The following EYA4 variants were observed in gnomAD, a reference collection of about 807,000 sequenced individuals.
EYA4 encodes the protein EYA transcriptional coactivator and phosphatase 4.
A neutral mutation model predicts 87.9 loss-of-function variants in EYA4; 31 were observed. That is an observed-to-expected ratio of 0.35 (90% CI 0.27 to 0.48). The LOEUF (loss-of-function observed/expected upper bound fraction) is 0.48, where lower values mean the gene tolerates loss of function less well. Among genes scored for constraint, EYA4 ranks in the 20% least tolerant of loss-of-function variants. The pLI is 0.99. For synonymous variants in EYA4, 263 were observed against 270.6 expected (o/e 0.97, Z 0.28); for missense variants, 678 against 761.4 (o/e 0.89, Z 1.29).
chr6:133,436,483 C>T (rs1249631970), intron 3 of EYA4, among the ~76,000 whole-genome samples: 1 of 152,134 alleles, frequency 6.6e-6, no homozygotes, highest in East Asian at 1.9e-4. Flanking sequence ...AAATATACTC[C>T]ACTATTCTAG....
chr6:133,318,165 A>G (rs982780995), intron 2 of EYA4, among the ~76,000 whole-genome samples: 1 of 152,066 alleles, frequency 6.6e-6, no homozygotes, highest in Non-Finnish European at 1.5e-5. Context: ...GGGACTTTTT[A>G]TTTTTGCTGA....
chr6:133,268,413 T>C (rs1029375763), intron 1 of EYA4, among the ~76,000 whole-genome samples: 5 of 152,338 alleles, frequency 3.3e-5, no homozygotes, highest in African/African-American at 1.2e-4. Context: ...TCCATGTATC[T>C]ATCAGAGTAA....
At chr6:133,357,342 A>G (rs1026321603) in intron 2 of EYA4, among the ~76,000 whole-genome samples, 1 of 151,418 alleles carries the variant, frequency 6.6e-6, no homozygotes, top group Non-Finnish European at 1.5e-5. Context: ...AAACTCTACC[A>G]GTTTTATTTC....
At chr6:133,348,602 A>G (rs1051240361) in intron 2 of EYA4, among the ~76,000 whole-genome samples, 4 of 152,022 alleles carry the variant, frequency 2.6e-5, no homozygotes, top group South Asian at 2.1e-4. Flanking sequence ...TGGTGATCTC[A>G]TCCAGTCTCT....
chr6:133,344,792 G>A (rs1002562166), intron 2 of EYA4, among the ~76,000 whole-genome samples: 2 of 152,100 alleles, frequency 1.3e-5, no homozygotes, highest in South Asian at 2.1e-4. Context: ...TACCAAAGTT[G>A]CATCTTTTCA....
chr6:133,375,046 G>T (rs1210705096), intron 2 of EYA4, among the ~76,000 whole-genome samples: 1 of 151,928 alleles, frequency 6.6e-6, no homozygotes. Context: ...GTGTTGCAAA[G>T]ATTTAATGTT....
At chr6:133,331,655 C>T (rs1352828382) in intron 2 of EYA4, among the ~76,000 whole-genome samples, 1 of 152,146 alleles carries the variant, frequency 6.6e-6, no homozygotes, top group Non-Finnish European at 1.5e-5. Flanking sequence ...GCTGAGTCCT[C>T]ACAATGTGGC....
At chr6:133,254,360 A>G (rs1775167651) in intron 1 of EYA4, among the ~76,000 whole-genome samples, 1 of 152,204 alleles carries the variant, frequency 6.6e-6, no homozygotes, top group Non-Finnish European at 1.5e-5. Flanking sequence ...GTGTTTCAAA[A>G]TGTGAGGACC....
At chr6:133,245,352 C>T (rs777281227) in intron 1 of EYA4, 8 of 152,176 alleles carry the variant, frequency 5.3e-5, no homozygotes, top group Non-Finnish European at 1.0e-4. Context: ...TCTATCAAAA[C>T]ACCTTCTTCT....
chr6:133,341,671 C>T (rs1265495156), intron 2 of EYA4, among the ~76,000 whole-genome samples: 1 of 149,870 alleles, frequency 6.7e-6, no homozygotes, highest in African/African-American at 2.4e-5. Flanking sequence ...AAAAAAAAAA[C>T]ATTGACTCAC....
At chr6:133,490,556 T>G (rs1295975299) in intron 13 of EYA4, among the ~76,000 whole-genome samples, 1 of 151,382 alleles carries the variant, frequency 6.6e-6, no homozygotes, top group Non-Finnish European at 1.5e-5. Flanking sequence ...ATCATCAAAG[T>G]GGATTTCAAC....
intron 2 of EYA4, among the ~76,000 whole-genome samples, chr6:133,320,431 G>A (rs188374380): frequency 7.0e-4 from 106 of 151,510 alleles, no homozygotes; most frequent in African/African-American, 2.4e-3. Context: ...TAAATGCAAT[G>A]TACTTACTTA....
Position 133,349,308 on chromosome 6 carries a change from T to C in EYA4, c.34-33084T>C, listed in dbSNP as rs554008422. Among the ~76,000 whole-genome samples the C allele has an allele frequency of 9.8e-5, 15 of 152,350 alleles. No homozygotes were observed. In the South Asian group the frequency reaches 2.9e-3, roughly 29 times the overall value. ...AATGAACATTCTCTAGGTAGCATAATAAATTTTAGTTTTTTTGTTTTGTTA... is the reference window on the plus strand; with the variant it reads ...AATGAACATTCTCTAGGTAGCATAACAAATTTTAGTTTTTTTGTTTTGTTA... On this transcript the variant is annotated intron_variant, in intron 2 of 19. Coordinates refer to ENST00000355286, the MANE Select transcript of EYA4 (RefSeq NM_004100.5).
intron 2 of EYA4, among the ~76,000 whole-genome samples, chr6:133,351,511 A>G (rs1450638194): frequency 5.3e-5 from 8 of 152,190 alleles, no homozygotes; most frequent in Non-Finnish European, 1.0e-4. Flanking sequence ...TTAACCTTCC[A>G]GAACTCTATC....
At chr6:133,427,915 C>G (rs1236700156) in intron 3 of EYA4, among the ~76,000 whole-genome samples, 1 of 151,934 alleles carries the variant, frequency 6.6e-6, no homozygotes, top group Non-Finnish European at 1.5e-5. Flanking sequence ...TTTAGATGAA[C>G]AATTATGATG....
chr6:133,325,451 C>T (rs1246379156), intron 2 of EYA4: 2 of 152,076 alleles, frequency 1.3e-5, no homozygotes, highest in African/African-American at 4.8e-5. Flanking sequence ...ATAATATATA[C>T]ATAGGGAGAG....
chr6:133,470,885 C>G lies in EYA4; in HGVS notation c.970+2154C>G, dbSNP rs1464865009. On this transcript the variant is annotated intron_variant, in intron 11 of 19. Transcript: ENST00000355286. ...ATGGGAGTTCACCCATGATTTGGCT[C>G]TCTGTCTGTCTGTTGTTGGTGTATA... is the stretch of plus-strand genomic sequence containing the variant. Among the ~76,000 whole-genome samples the G allele has an allele frequency of 4.4e-5, 4 of 91,866 alleles. 2 individuals carry two copies. The highest frequency in any genetic ancestry group is 8.9e-5 in the Non-Finnish European group (4 of 44,840). 60.3% of individuals were successfully genotyped at this position (91,866 alleles called of 152,430 possible).
chr6:133,285,429 G>C (rs563487636), intron 2 of EYA4, among the ~76,000 whole-genome samples: 1 of 152,310 alleles, frequency 6.6e-6, no homozygotes, highest in African/African-American at 2.4e-5. Flanking sequence ...GAATAGAAAG[G>C]ATGTCAGCGT....
intron 1 of EYA4, among the ~76,000 whole-genome samples, chr6:133,262,507 C>G (rs1775879125): frequency 6.6e-6 from 1 of 152,214 alleles, no homozygotes; most frequent in Non-Finnish European, 1.5e-5. Flanking sequence ...GGACAATTCA[C>G]TCAGAATTAC....
Sources: gnomAD v4.1 joint callset for allele counts (sites outside exome capture counted in the v4.1 genomes callset) on GRCh38, gnomAD v4.1.1 for gene constraint, MANE v1.5 for transcripts, NCBI Gene and HGNC (gene_info 2026-07-23, HGNC 2026-07-21) for gene names.